The following EXT2 variants were observed in gnomAD, a reference collection of about 807,000 sequenced individuals.
The protein encoded by EXT2 is exostosin-2.
A neutral mutation model predicts 81.6 loss-of-function variants in EXT2; 53 were observed. That is an observed-to-expected ratio of 0.65 (90% CI 0.52 to 0.82). The LOEUF is 0.82. EXT2 is among the 40% of genes least tolerant of loss of function. The pLI is 0.00. For missense variants in EXT2, 774 were observed against 910.2 expected, an observed-to-expected ratio of 0.85 and a Z score of 1.93; for synonymous variants, 320 against 340.0, an observed-to-expected ratio of 0.94 and a Z score of 0.65.
chr11:44,115,733 G>A (rs1005254937), intron 4 of EXT2, among the ~76,000 whole-genome samples: 1 of 152,204 alleles, frequency 6.6e-6, no homozygotes, highest in Admixed American at 6.5e-5. Flanking sequence ...ACTCTGAGAA[G>A]TAAGAGAACT....
chr11:44,176,927 A>C (rs1424928545), intron 8 of EXT2, among the ~76,000 whole-genome samples: 6 of 151,550 alleles, frequency 4.0e-5, no homozygotes, highest in African/African-American at 1.5e-4. Context: ...TAATGTAAAA[A>C]AAAAAAAAAA....
intron 9 of EXT2, among the ~76,000 whole-genome samples, chr11:44,199,101 T>C (rs1955493103): frequency 1.3e-5 from 2 of 152,230 alleles, no homozygotes; most frequent in African/African-American, 4.8e-5. Flanking sequence ...TATTCCCTGA[T>C]TTTTAAAAAT....
At chr11:44,194,854 TTG>T (rs1395002072) in intron 8 of EXT2, among the ~76,000 whole-genome samples, 2 of 152,146 alleles carry the variant, frequency 1.3e-5, no homozygotes, top group Non-Finnish European at 2.9e-5. Flanking sequence ...TTAGTGAGTA[TTG>T]TGTCAAGAGG....
intron 1 of EXT2, among the ~76,000 whole-genome samples, chr11:44,097,739 A>C (rs1953918535): frequency 6.7e-6 from 1 of 149,072 alleles, no homozygotes; most frequent in Admixed American, 6.8e-5. Flanking sequence ...AGCCTGAGTG[A>C]CAGAGCAAGA....
intron 8 of EXT2, among the ~76,000 whole-genome samples, chr11:44,177,465 C>T (rs1186329808): frequency 6.6e-6 from 1 of 152,210 alleles, no homozygotes; most frequent in African/African-American, 2.4e-5. Context: ...ACACCCTCCT[C>T]ATTTTACTTC....
chr11:44,229,825 T>G (rs2135254012), intron 10 of EXT2, among the ~76,000 whole-genome samples: 1 of 152,360 alleles, frequency 6.6e-6, no homozygotes. Context: ...CCCTTCATTC[T>G]TGGCTTTTTA....
chr11:44,193,040 G>C (rs540488744), intron 8 of EXT2, among the ~76,000 whole-genome samples: 15 of 152,278 alleles, frequency 9.9e-5, no homozygotes, highest in East Asian at 9.6e-4. Flanking sequence ...TCTAAATAGT[G>C]GGTGTTCTGG....
At chr11:44,133,860 A>G (rs1241848436) in intron 7 of EXT2, among the ~76,000 whole-genome samples, 3 of 152,218 alleles carry the variant, frequency 2.0e-5, no homozygotes, top group East Asian at 1.9e-4. Flanking sequence ...ACAGATGTCT[A>G]AAGTGGTGAA....
At position 44,249,443 on chromosome 11, in the gene EXT2, G is replaced by T. The variant is rs1016795224; in HGVS notation, c.*5156G>T. ...TACCAGGCAGCTGTGTCTGCTAGAG[G>T]CTTCCTCAGCAAAGCCCCATCTTGT... On this transcript the variant is annotated 3_prime_UTR_variant, in exon 14 of 14. Transcript: ENST00000533608. Among the ~76,000 whole-genome samples the T allele has an allele frequency of 1.3e-5, 2 of 152,320 alleles. No homozygotes were observed. Among genetic ancestry groups the T allele is most frequent in the East Asian group, 3.9e-4 (2 of 5,190 alleles).
Position 44,109,293 on chromosome 11 carries a change from A to T in EXT2, c.626+10A>T, listed in dbSNP as rs1954108976. ...ATGTCCCCAGAGACAGGTAGGAGGC[A>T]TATTTGGGGCTGTCCTTATGATGGG... On this transcript the variant is annotated intron_variant, in intron 3 of 13. Coordinates refer to ENST00000533608, the MANE Select transcript of EXT2 (RefSeq NM_207122.2). The T allele has an allele frequency of 1.2e-6, 2 of 1,612,084 alleles. No individual in the cohort carries two copies. Among genetic ancestry groups the T allele is most frequent in the East Asian group, 4.5e-5 (2 of 44,870 alleles).
intron 4 of EXT2, among the ~76,000 whole-genome samples, chr11:44,122,356 T>C (rs1449885918): frequency 1.3e-5 from 2 of 152,224 alleles, no homozygotes; most frequent in African/African-American, 4.8e-5. Context: ...TGGGTTTGAC[T>C]GTAAATTTTC....
chr11:44,222,685 G>T (rs923533380), intron 10 of EXT2, among the ~76,000 whole-genome samples: 20 of 151,212 alleles, frequency 1.3e-4, no homozygotes, highest in African/African-American at 4.9e-4. Flanking sequence ...AAAACTTTTA[G>T]GAAAAAAGGA....
At chr11:44,181,840 A>G (rs1955240333) in intron 8 of EXT2, among the ~76,000 whole-genome samples, 1 of 152,016 alleles carries the variant, frequency 6.6e-6, no homozygotes, top group South Asian at 2.1e-4. Flanking sequence ...ATACCTGATG[A>G]TTATTGGCAG....
At chr11:44,198,690 G>A (rs1955487786) in intron 9 of EXT2, among the ~76,000 whole-genome samples, 1 of 152,206 alleles carries the variant, frequency 6.6e-6, no homozygotes, top group Admixed American at 6.5e-5. Context: ...CAAAGCTCCT[G>A]CCATTTATAG....
intron 9 of EXT2, among the ~76,000 whole-genome samples, chr11:44,203,353 A>C (rs1955542845): frequency 6.6e-6 from 1 of 152,194 alleles, no homozygotes; most frequent in African/African-American, 2.4e-5. Flanking sequence ...CCCCAGCTAG[A>C]TCTGAGATTC....
In EXT2 at chr11:44,111,496, T is replaced by C. The variant is rs563252228; in HGVS notation, c.626+2213T>C. On this transcript the variant is annotated intron_variant, in intron 3 of 13. Transcript: ENST00000533608. ...GAGTAGGAGCATATTTCATGACTTA[T>C]ACATCTTTTAATGACTTAACTGATG... 9.6e-4 allele frequency among the ~76,000 whole-genome samples: 147 copies of C among 152,344 alleles called. 1 individual carries two copies. The highest frequency in any genetic ancestry group is 3.2e-3 in the African/African-American group (133 of 41,578).
At chr11:44,213,821 A>G (rs1008891762) in intron 10 of EXT2, among the ~76,000 whole-genome samples, 1 of 152,236 alleles carries the variant, frequency 6.6e-6, no homozygotes, top group African/African-American at 2.4e-5. Flanking sequence ...TTGAAGAAAT[A>G]ATGGCTAAAA....
At chr11:44,148,730 A>AGAT (rs2135076467) in intron 7 of EXT2, among the ~76,000 whole-genome samples, 1 of 152,340 alleles carries the variant, frequency 6.6e-6, no homozygotes, top group African/African-American at 2.4e-5. Flanking sequence ...TGAGTGCTAT[A>AGAT]GATGCCACAG....
At chr11:44,175,174 T>C (rs1955141177) in intron 8 of EXT2, among the ~76,000 whole-genome samples, 1 of 152,162 alleles carries the variant, frequency 6.6e-6, no homozygotes, top group African/African-American at 2.4e-5. Flanking sequence ...TGAAAATTAA[T>C]AGAGGACACA....
Sources: allele counts gnomAD v4.1 joint callset (sites outside exome capture counted in the v4.1 genomes callset), GRCh38; gene constraint gnomAD v4.1.1; transcripts MANE v1.5; gene names NCBI Gene and HGNC (gene_info 2026-07-23, HGNC 2026-07-21).